Variants in JAKMIP1 observed in about 807,000 individuals in gnomAD.
The protein encoded by JAKMIP1 is janus kinase and microtubule interacting protein 1.
Under a neutral mutation model 113.0 loss-of-function variants are expected in JAKMIP1, and 33 were observed. The observed-to-expected ratio is 0.29, with a 90% CI of 0.22 to 0.39. The LOEUF (loss-of-function observed/expected upper bound fraction) is 0.39, where lower values mean the gene tolerates loss of function less well. Ranked by LOEUF, JAKMIP1 falls within the 10% of genes least tolerant of loss-of-function variation. The pLI is 1.00. For missense variants in JAKMIP1, 813 were observed against 1,080.5 expected (o/e 0.75, Z 3.47); for synonymous variants, 480 against 459.9 (o/e 1.04, Z -0.56).
intron 3 of JAKMIP1, among the ~76,000 whole-genome samples, chr4:6,095,365 G>A (rs1307893304): frequency 6.6e-6 from 1 of 151,800 alleles, no homozygotes; most frequent in Non-Finnish European, 1.5e-5. Context: ...AGAAAGGAAA[G>A]AAAGAAGAAA....
intron 16 of JAKMIP1, 109 bp downstream of exon 16, chr4:6,048,738 AGACGCAGACG>A (rs1289146727): frequency 2.6e-6 from 2 of 783,496 alleles, no homozygotes; most frequent in African/African-American, 3.4e-5. Flanking sequence ...GTGCACGTGC[AGACGCAGACG>A]GACTGGAACG....
At position 6,042,789 on chromosome 4, in the gene JAKMIP1, G is replaced by A. The variant is rs948811912; in HGVS notation, c.2029-562C>T. On this transcript the variant is annotated intron_variant, in intron 16 of 20. Coordinates refer to ENST00000409021, the MANE Select transcript of JAKMIP1 (RefSeq NM_001099433.2). This position sits in a 1 kb window ranked among gnomAD's most constrained non-coding sequence, Gnocchi z 5.2. Reference sequence around the variant, plus strand: ...GAGTTGGAGCAGCCCAGAGTGCCTGGTGCCACCATGAGAGGAGGTGGAATC... The same window carrying A: ...GAGTTGGAGCAGCCCAGAGTGCCTGATGCCACCATGAGAGGAGGTGGAATC... 2.0e-5 allele frequency among the ~76,000 whole-genome samples: 3 copies of A among 152,060 alleles called. No homozygotes were observed. Among genetic ancestry groups the A allele is most frequent in the Non-Finnish European group, 4.4e-5 (3 of 68,020 alleles).
intron 1 of JAKMIP1, among the ~76,000 whole-genome samples, chr4:6,182,453 GA>G (rs200074773): frequency 0.022 from 3,236 of 148,318 alleles, 34 homozygotes; most frequent in Middle Eastern, 0.059. Context: ...GAAAAGAAAA[GA>G]AAAAAAGGAG....
intron 1 of JAKMIP1, among the ~76,000 whole-genome samples, chr4:6,118,068 A>G: frequency 6.6e-6 from 1 of 152,260 alleles, no homozygotes; most frequent in Non-Finnish European, 1.5e-5. Flanking sequence ...AAAGACAGGC[A>G]TAGGAAATCA....
chr4:6,039,834 G>A (rs1714081442), intron 18 of JAKMIP1, among the ~76,000 whole-genome samples: 1 of 152,184 alleles, frequency 6.6e-6, no homozygotes, highest in Non-Finnish European at 1.5e-5. Context: ...TCTTCCTGGA[G>A]CCTGTCATGG....
intron 2 of JAKMIP1, among the ~76,000 whole-genome samples, chr4:6,110,023 G>C (rs1054002236): frequency 3.9e-5 from 6 of 152,134 alleles, no homozygotes; most frequent in African/African-American, 1.2e-4. Context: ...AGGCAGCCTG[G>C]TAACAGGGAG....
At chr4:6,177,010 G>T (rs1725416992) in intron 1 of JAKMIP1, among the ~76,000 whole-genome samples, 1 of 152,078 alleles carries the variant, frequency 6.6e-6, no homozygotes, top group Non-Finnish European at 1.5e-5. Context: ...CTCCAGCCTG[G>T]GTGACAGAGT....
intron 3 of JAKMIP1, among the ~76,000 whole-genome samples, chr4:6,090,987 G>A (rs1182721111): frequency 2.0e-5 from 3 of 152,180 alleles, no homozygotes; most frequent in African/African-American, 7.2e-5. Flanking sequence ...TTTTCTTCTT[G>A]ACTTTTACTA....
intron 1 of JAKMIP1, among the ~76,000 whole-genome samples, chr4:6,123,182 G>A (rs750157852): frequency 1.7e-4 from 26 of 152,184 alleles, no homozygotes; most frequent in Admixed American, 1.0e-3. Context: ...GTACAGTCCC[G>A]TGGAACAGAG....
chr4:6,120,658 G>A (rs1716583942), intron 1 of JAKMIP1, among the ~76,000 whole-genome samples: 1 of 152,174 alleles, frequency 6.6e-6, no homozygotes, highest in Non-Finnish European at 1.5e-5. Flanking sequence ...ATCCAGTGAT[G>A]GTGGCCATGC....
intron 1 of JAKMIP1, among the ~76,000 whole-genome samples, chr4:6,123,906 T>C (rs1717053171): frequency 6.6e-6 from 1 of 152,198 alleles, no homozygotes; most frequent in Non-Finnish European, 1.5e-5. Context: ...TATAGGAAAT[T>C]AACAAGGTGC....
chr4:6,096,846 A>G (rs1211112751), intron 3 of JAKMIP1, among the ~76,000 whole-genome samples: 2 of 152,234 alleles, frequency 1.3e-5, no homozygotes, highest in Non-Finnish European at 2.9e-5. Context: ...ACTTATACAT[A>G]TAGCTGAAAG....
At chr4:6,078,915 G>A in intron 8 of JAKMIP1, 24 bp downstream of exon 8, 8 of 1,612,966 alleles carry the variant, frequency 5.0e-6, no homozygotes, top group Non-Finnish European at 5.9e-6. Flanking sequence ...GCAAGGTAGG[G>A]CAGGTGCACC....
intron 1 of JAKMIP1, among the ~76,000 whole-genome samples, chr4:6,128,283 A>G (rs919469042): frequency 6.6e-6 from 1 of 152,208 alleles, no homozygotes. Context: ...CACTGCATCC[A>G]GGCTCCTGGA....
At chr4:6,133,236 G>A (rs1477541171) in intron 1 of JAKMIP1, among the ~76,000 whole-genome samples, 2 of 152,130 alleles carry the variant, frequency 1.3e-5, no homozygotes, top group Non-Finnish European at 2.9e-5. Flanking sequence ...TATTCTATAG[G>A]CAGACCTCCG....
At chr4:6,134,624 T>C (rs1240113736) in intron 1 of JAKMIP1, among the ~76,000 whole-genome samples, 1 of 152,108 alleles carries the variant, frequency 6.6e-6, no homozygotes, top group East Asian at 1.9e-4. Flanking sequence ...GTGTTGCCCA[T>C]CCCCGCCACC....
chr4:6,170,151 ACAC>A (rs553153646), intron 1 of JAKMIP1, among the ~76,000 whole-genome samples: 21 of 122,006 alleles, frequency 1.7e-4, no homozygotes, highest in African/African-American at 4.8e-4. Flanking sequence ...TCCATCACCA[ACAC>A]CACCACCACC....
In JAKMIP1 at chr4:6,069,850, A is replaced by T. The variant is rs1004944416; in HGVS notation, c.1303-4842T>A. Among the ~76,000 whole-genome samples the T allele has an allele frequency of 1.3e-5, 2 of 152,130 alleles. No homozygotes were observed. The highest frequency in any genetic ancestry group is 2.9e-5 in the Non-Finnish European group (2 of 68,036). The stretch of plus-strand genomic sequence containing the variant: ...TGCATATACAGAGGTGCTCTTCCTC[A>T]GCGGGTCAGATGAAGCAGAGGGAAA... On this transcript the variant is annotated intron_variant, in intron 8 of 20. Transcript: ENST00000409021. The surrounding 1 kb of genome is among the most constrained non-coding windows in gnomAD (Gnocchi z 4.5).
intron 12 of JAKMIP1, 78 bp from the exon 13 acceptor site, chr4:6,054,226 T>C: frequency 7.0e-7 from 1 of 1,435,790 alleles, no homozygotes; most frequent in Non-Finnish European, 9.7e-7. Flanking sequence ...CCTGACTGAG[T>C]GGCTGGAGGG....
Sources: allele counts gnomAD v4.1 joint callset (sites outside exome capture counted in the v4.1 genomes callset), GRCh38; gene constraint gnomAD v4.1.1; non-coding constraint Gnocchi (gnomAD v3.1); transcripts MANE v1.5; gene names NCBI Gene and HGNC (gene_info 2026-07-23, HGNC 2026-07-21).